The following USP6NL variants were observed in gnomAD, a reference collection of about 807,000 sequenced individuals.
USP6NL encodes USP6 N-terminal like.
A neutral mutation model predicts 61.9 loss-of-function variants in USP6NL; 26 were observed. The observed-to-expected ratio is 0.42, with a 90% CI of 0.31 to 0.58. USP6NL has a LOEUF of 0.58. Among genes scored for constraint, USP6NL ranks in the 20% least tolerant of loss-of-function variants. The pLI, the probability that USP6NL is intolerant of heterozygous loss-of-function variation, is 0.16. For synonymous variants in USP6NL, 432 were observed against 390.1 expected, an observed-to-expected ratio of 1.11 and a Z score of -1.27; for missense variants, 1,114 against 1,034.3, an observed-to-expected ratio of 1.08 and a Z score of -1.06.
rs1319160627 is a variant in USP6NL, at chr10:11,460,653, AT to A, written c.*1787del. 341 of 138,432 alleles carry A rather than the reference AT, an allele frequency of 2.5e-3. 1 individual carries two copies. Among genetic ancestry groups the A allele is most frequent in the African/African-American group, 8.2e-3 (284 of 34,580 alleles). The allele number at this position is 138,432 out of a possible 1,614,324, so 8.6% of individuals were successfully genotyped here. ...TATATATATATATATATATATATAT[AT>A]AAAAATCTACAGTATTTACCACTGT... On this transcript the variant is annotated 3_prime_UTR_variant, in exon 15 of 15. Transcript: ENST00000609104.
intron 2 of USP6NL, among the ~76,000 whole-genome samples, chr10:11,584,601 T>C (rs751164509): frequency 5.3e-5 from 8 of 152,136 alleles, no homozygotes; most frequent in Admixed American, 1.3e-4. Flanking sequence ...CTATGCATTA[T>C]CTCTCCTCTG....
chr10:11,600,752 G>A lies in USP6NL; in HGVS notation c.-83-3035C>T, dbSNP rs1455124169. On this transcript the variant is annotated intron_variant, in intron 1 of 14. Coordinates refer to ENST00000609104, the MANE Select transcript of USP6NL (RefSeq NM_014688.5). This position sits in a 1 kb window ranked among gnomAD's most constrained non-coding sequence, Gnocchi z 4.1. ...TGGGAGGCCGAGGCGGGTGGATCAC[G>A]AGGTCAGGAGTTCAAGACCAGCCTG... Among the ~76,000 whole-genome samples the A allele has an allele frequency of 1.3e-5, 2 of 152,046 alleles. No homozygotes were observed. The highest frequency in any genetic ancestry group is 2.1e-4 in the South Asian group (1 of 4,822).
At chr10:11,593,773 G>A (rs1211417301) in intron 2 of USP6NL, among the ~76,000 whole-genome samples, 1 of 152,152 alleles carries the variant, frequency 6.6e-6, no homozygotes, top group Non-Finnish European at 1.5e-5. Flanking sequence ...TGCCAAGAGG[G>A]TGCCATGGCA....
At chr10:11,542,183 A>G (rs552305628) in intron 2 of USP6NL, among the ~76,000 whole-genome samples, 1 of 152,370 alleles carries the variant, frequency 6.6e-6, no homozygotes, top group East Asian at 1.9e-4. Context: ...ATTAATTCAG[A>G]AAGTACTGAA....
rs1471200595 is a variant in USP6NL at position 11,540,154 on chromosome 10, T to C, written c.5-12587A>G. Among the ~76,000 whole-genome samples, 4 of 152,258 alleles carry C rather than the reference T, an allele frequency of 2.6e-5. No individual in the cohort carries two copies. Among genetic ancestry groups the C allele is most frequent in the Non-Finnish European group, 5.9e-5 (4 of 68,042 alleles). On this transcript the variant is annotated intron_variant, in intron 2 of 14. Transcript: ENST00000609104. The surrounding 1 kb of genome is among the most constrained non-coding windows in gnomAD (Gnocchi z 5.0). ...TGTGAATTCTAACAGCTGTACTTTC[T>C]GGATTCTAGTAGCCCTCCAATCTCA...
At chr10:11,571,740 GT>G (rs925286440) in intron 2 of USP6NL, among the ~76,000 whole-genome samples, 6 of 149,660 alleles carry the variant, frequency 4.0e-5, no homozygotes, top group Non-Finnish European at 7.4e-5. Context: ...TGAAAAATTG[GT>G]AAGATGTAAC....
intron 7 of USP6NL, among the ~76,000 whole-genome samples, chr10:11,494,203 T>C (rs752823320): frequency 2.6e-5 from 4 of 152,230 alleles, no homozygotes; most frequent in Non-Finnish European, 5.9e-5. Context: ...GCTTCCAGTG[T>C]TGCTATTCTG....
At chr10:11,497,130 C>T (rs955366402) in intron 7 of USP6NL, among the ~76,000 whole-genome samples, 2 of 145,242 alleles carry the variant, frequency 1.4e-5, no homozygotes, top group African/African-American at 5.1e-5. Flanking sequence ...ATGGGCAAGG[C>T]CGGGCACAGT....
In USP6NL at chr10:11,476,936, A is replaced by T. The variant is rs1390661110; in HGVS notation, c.1078+4834T>A. The stretch of plus-strand genomic sequence containing the variant: ...ACCCAGGCTGAAGTGCAGTGGTGCG[A>T]TCTTGACTCACTGCAACCTCCGCCT... On this transcript the variant is annotated intron_variant, in intron 14 of 14. Transcript: ENST00000609104. This position sits in a 1 kb window ranked among gnomAD's most constrained non-coding sequence, Gnocchi z 4.3. Among the ~76,000 whole-genome samples the T allele has an allele frequency of 6.6e-6, 1 of 152,136 alleles. No homozygotes were observed. Among genetic ancestry groups the T allele is most frequent in the Admixed American group, 6.5e-5 (1 of 15,274 alleles).
At chr10:11,506,635 A>C (rs1591859225) in intron 6 of USP6NL, among the ~76,000 whole-genome samples, 4 of 151,826 alleles carry the variant, frequency 2.6e-5, no homozygotes, top group Admixed American at 2.6e-4. Context: ...GGCAACAGAG[A>C]CCGTGTCTCT....
chr10:11,598,272 C>T lies in USP6NL; in HGVS notation c.-83-555G>A, dbSNP rs1282004271. Among the ~76,000 whole-genome samples, 2 of 152,088 alleles carry T rather than the reference C, an allele frequency of 1.3e-5. No homozygotes were observed. The highest frequency in any genetic ancestry group is 2.9e-5 in the Non-Finnish European group (2 of 68,000). On this transcript the variant is annotated intron_variant, in intron 1 of 14. Coordinates refer to ENST00000609104, the MANE Select transcript of USP6NL (RefSeq NM_014688.5). This position sits in a 1 kb window ranked among gnomAD's most constrained non-coding sequence, Gnocchi z 4.7. ...CTTCTCTCATAACATATTACCCTAA[C>T]CCCTACATCTACCCAATCATTTGGG...
rs1309640507 is a variant in USP6NL, at chr10:11,537,583, T to C, written c.5-10016A>G. On this transcript the variant is annotated intron_variant, in intron 2 of 14. Transcript: ENST00000609104. The surrounding 1 kb of genome is among the most constrained non-coding windows in gnomAD (Gnocchi z 5.1). ...AGCATTATTACCATTATTTCCACTG[T>C]ATCATGCTTCAAATTAATACTTTTT... Among the ~76,000 whole-genome samples, 3 of 152,246 alleles carry C rather than the reference T, an allele frequency of 2.0e-5. No homozygotes were observed. Among genetic ancestry groups the C allele is most frequent in the Non-Finnish European group, 2.9e-5 (2 of 68,042 alleles).
At chr10:11,570,119 C>T (rs1837304245) in intron 2 of USP6NL, among the ~76,000 whole-genome samples, 2 of 152,156 alleles carry the variant, frequency 1.3e-5, no homozygotes, top group Non-Finnish European at 2.9e-5. Context: ...CCTCATCAAA[C>T]AATTTAATTC....
chr10:11,492,968 G>T, intron 8 of USP6NL, 151 bp downstream of exon 8: 1 of 592,066 alleles, frequency 1.7e-6, no homozygotes, highest in Non-Finnish European at 2.8e-6. Context: ...TAGATCTTAA[G>T]TTTCACACAA....
At chr10:11,545,792 T>C (rs1030172869) in intron 2 of USP6NL, among the ~76,000 whole-genome samples, 1 of 152,222 alleles carries the variant, frequency 6.6e-6, no homozygotes, top group African/African-American at 2.4e-5. Context: ...GTATTTTGTT[T>C]TTAAAAATGC....
chr10:11,497,615 G>C (rs550410611), intron 7 of USP6NL, among the ~76,000 whole-genome samples: 66 of 152,178 alleles, frequency 4.3e-4, no homozygotes, highest in African/African-American at 1.4e-3. Flanking sequence ...TATAGTATCA[G>C]TTCCTCCAGA....
At chr10:11,544,246 A>T (rs1387165192) in intron 2 of USP6NL, among the ~76,000 whole-genome samples, 1 of 152,142 alleles carries the variant, frequency 6.6e-6, no homozygotes, top group Non-Finnish European at 1.5e-5. Flanking sequence ...AACTCTATGA[A>T]GAAGTCACAA....
intron 2 of USP6NL, among the ~76,000 whole-genome samples, chr10:11,545,952 A>C (rs1047411748): frequency 6.6e-6 from 1 of 152,242 alleles, no homozygotes; most frequent in African/African-American, 2.4e-5. Context: ...TAACATACAC[A>C]AAAGACTTTA....
rs181750556 is a variant in USP6NL at position 11,463,811 on chromosome 10, G to C, written c.1117C>G (p.Leu373Val). 1.0e-4 allele frequency: 154 copies of C among 1,481,218 alleles called. No individual in the cohort carries two copies. The East Asian group carries it at 3.1e-3, about 30-fold the overall frequency. 91.8% of individuals were successfully genotyped at this position (1,481,218 alleles called of 1,614,324 possible). A position where few individuals can be genotyped will look rare whatever the true frequency, so the allele number is the denominator to read the frequency against. ...CCCCAAGACTGAAGTTCAGGTGGAA[G>C]CTGCCCCAAGGGCTTCTTTGGATAT... ...DEYPKKPLGQLPPELQSWGVH... is the reference protein window; with the variant it reads ...DEYPKKPLGQVPPELQSWGVH... The change falls in exon 15 of 15, where the codon CTT becomes GTT. Residue 373 changes from leucine to valine, a missense_variant. Physicochemically the swap from Leu to Val is conservative, Grantham distance 32. Transcript: ENST00000609104. The surrounding 1 kb of genome is among the most constrained non-coding windows in gnomAD (Gnocchi z 6.3).
Sources: gnomAD v4.1 joint callset for allele counts (sites outside exome capture counted in the v4.1 genomes callset) on GRCh38, gnomAD v4.1.1 for gene constraint, Gnocchi (gnomAD v3.1) non-coding constraint, MANE v1.5 for transcripts, NCBI Gene and HGNC (gene_info 2026-07-23, HGNC 2026-07-21) for gene names.